The following SUCO variants were observed in gnomAD, a reference collection of about 807,000 sequenced individuals.
SUCO encodes SUN domain-containing ossification factor.
A neutral mutation model predicts 148.1 loss-of-function variants in SUCO; 57 were observed. The observed-to-expected ratio is 0.38, with a 90% confidence interval of 0.31 to 0.48. The LOEUF is 0.48. Ranked by LOEUF, SUCO falls within the 20% of genes least tolerant of loss-of-function variation. The pLI is 0.96. For synonymous variants in SUCO, 470 were observed against 502.7 expected, an observed-to-expected ratio of 0.93 and a Z score of 0.87; for missense variants, 1,331 against 1,468.2, an observed-to-expected ratio of 0.91 and a Z score of 1.53.
chr1:172,556,408 C>T (rs1315910554), intron 4 of SUCO, among the ~76,000 whole-genome samples: 1 of 152,108 alleles, frequency 6.6e-6, no homozygotes, highest in Non-Finnish European at 1.5e-5. Flanking sequence ...ATTTTTATGT[C>T]TTCGTGTGAA....
At chr1:172,554,492 G>C (rs1042841260) in intron 3 of SUCO, among the ~76,000 whole-genome samples, 1 of 152,076 alleles carries the variant, frequency 6.6e-6, no homozygotes, top group Non-Finnish European at 1.5e-5. Flanking sequence ...TTAAAAAATA[G>C]CATGTAGGCC....
chr1:172,556,962 G>A (rs1653799536), intron 4 of SUCO: 1 of 981,940 alleles, frequency 1.0e-6, no homozygotes. Context: ...ACTTTTGAAG[G>A]ATGCCATAAG....
At chr1:172,584,461 AG>A (rs1656095428) in intron 15 of SUCO, 1 of 536,442 alleles carries the variant, frequency 1.9e-6, no homozygotes, top group African/African-American at 2.1e-5. Flanking sequence ...TAAAGTGTCT[AG>A]GGAAGTTTTA....
At position 172,551,617 on chromosome 1, in the gene SUCO, C is replaced by G. The variant is rs969129718; in HGVS notation, c.168C>G (p.Phe56Leu). ...CACTAGAAAATGAAGATGTACAATT[C>G]CAGAAAAAGGTGCCTTAAATAAAGT... ...NCALENEDVQ[F>L]QKKDEREGPI... The change falls in exon 2 of 24, where the codon TTC (phenylalanine) becomes TTG (leucine). Residue 56 changes from phenylalanine (F) to leucine (L), a missense_variant. By Grantham distance (22) the Phe-to-Leu change is conservative. Coordinates refer to ENST00000263688, the MANE Select transcript of SUCO (RefSeq NM_014283.5). The G allele has an allele frequency of 1.3e-6, 2 of 1,596,838 alleles. No individual in the cohort carries two copies. Among genetic ancestry groups the G allele is most frequent in the Non-Finnish European group, 1.7e-6 (2 of 1,168,826 alleles).
Position 172,597,095 on chromosome 1 carries a change from G to C in SUCO, c.2914-2969G>C, listed in dbSNP as rs1657163029. On this transcript the variant is annotated intron_variant, in intron 19 of 23. Transcript: ENST00000263688. ...CATGGGACCCTCCGAGCCATGCACG[G>C]GATATAATCTCCTGGTGTGCCATTT... Among the ~76,000 whole-genome samples, 3 of 152,260 alleles carry C rather than the reference G, an allele frequency of 2.0e-5. No individual in the cohort carries two copies. In the South Asian group the frequency reaches 6.2e-4, roughly 32 times the overall value.
At chr1:172,577,469 A>T in intron 11 of SUCO, 70 bp from the exon 12 acceptor site, 1 of 1,420,502 alleles carries the variant, frequency 7.0e-7, no homozygotes, top group Non-Finnish European at 9.8e-7. Context: ...ACAAATATTT[A>T]AAGATGCTTA....
rs751669998 is a variant in SUCO at position 172,533,334 on chromosome 1, C to G, written c.-102C>G. 1 of 1,551,568 alleles carries G rather than the reference C, an allele frequency of 6.4e-7. No individual in the cohort carries two copies. Among genetic ancestry groups the G allele is most frequent in the Non-Finnish European group, 8.7e-7 (1 of 1,147,000 alleles). On this transcript the variant is annotated 5_prime_UTR_variant, in exon 1 of 24. Coordinates refer to ENST00000263688, the MANE Select transcript of SUCO (RefSeq NM_014283.5). ...CGCCATAGCCCTTAGGACTATCGGT[C>G]ACATTCTCGCGCTCCTGCTCCGGCT...
At chr1:172,556,173 A>G (rs1653747365) in intron 4 of SUCO, 150 bp downstream of exon 4, 2 of 601,182 alleles carry the variant, frequency 3.3e-6, no homozygotes, top group Admixed American at 3.0e-5. Flanking sequence ...TTGTGTGCGT[A>G]TGTGTGCATG....
At chr1:172,551,322 A>G (rs973584396) in intron 1 of SUCO, among the ~76,000 whole-genome samples, 190 bp from the exon 2 acceptor site, 1 of 152,132 alleles carries the variant, frequency 6.6e-6, no homozygotes. Flanking sequence ...AATGCTGATA[A>G]TAATGTTTAT....
At chr1:172,560,303 A>T (rs184036620) in intron 6 of SUCO, among the ~76,000 whole-genome samples, 1 of 152,224 alleles carries the variant, frequency 6.6e-6, no homozygotes, top group Non-Finnish European at 1.5e-5. Flanking sequence ...TGTAGTTGCA[A>T]TGAGTGCCCT....
chr1:172,532,905 A>G (rs1447689204), upstream of SUCO: 14 of 1,419,556 alleles, frequency 9.9e-6, no homozygotes, highest in Non-Finnish European at 1.2e-5. Context: ...CGGCGAGAGC[A>G]TCTGCTCCTG....
At chr1:172,599,107 T>C (rs1657319942) in intron 19 of SUCO, among the ~76,000 whole-genome samples, 1 of 152,158 alleles carries the variant, frequency 6.6e-6, no homozygotes, top group African/African-American at 2.4e-5. Flanking sequence ...CTCCCTAACT[T>C]TATTAAAAGT....
chr1:172,559,068 A>G (rs1279934911), intron 6 of SUCO, among the ~76,000 whole-genome samples: 2 of 152,234 alleles, frequency 1.3e-5, no homozygotes, highest in African/African-American at 2.4e-5. Flanking sequence ...CTACTTCAGA[A>G]TAACTCTGTC....
At chr1:172,574,938 A>T in intron 10 of SUCO, 1 of 973,530 alleles carries the variant, frequency 1.0e-6, no homozygotes, top group Non-Finnish European at 1.2e-6. Flanking sequence ...ATTTTCTTAT[A>T]TGTCAAATGA....
intron 1 of SUCO, among the ~76,000 whole-genome samples, chr1:172,547,657 C>T (rs2149223848): frequency 6.6e-6 from 1 of 152,154 alleles, no homozygotes; most frequent in Admixed American, 6.5e-5. Flanking sequence ...AGAACTGTTC[C>T]AAGTTAAATG....
At chr1:172,566,040 G>A (rs180967374) in intron 6 of SUCO, among the ~76,000 whole-genome samples, 79 of 152,276 alleles carry the variant, frequency 5.2e-4, no homozygotes, top group Admixed American at 1.2e-3. Context: ...GCAGTGGGAG[G>A]GGCTTGCACA....
At chr1:172,558,121 T>C (rs566776178) in intron 6 of SUCO, among the ~76,000 whole-genome samples, 1 of 152,370 alleles carries the variant, frequency 6.6e-6, no homozygotes, top group Admixed American at 6.5e-5. Context: ...GAAGAAGGTA[T>C]GACTAATTAC....
intron 1 of SUCO, among the ~76,000 whole-genome samples, chr1:172,535,409 T>G (rs1453055922): frequency 6.6e-6 from 1 of 152,204 alleles, no homozygotes; most frequent in Non-Finnish European, 1.5e-5. Flanking sequence ...CTTAAAGGGT[T>G]TTTTAAAGGG....
intron 9 of SUCO, among the ~76,000 whole-genome samples, chr1:172,572,668 T>A (rs1281473730): frequency 8.0e-5 from 8 of 100,554 alleles, no homozygotes; most frequent in Non-Finnish European, 1.5e-4. Context: ...CAAATCCCCC[T>A]CTGTGAGAAA....
Sources: gnomAD v4.1 joint callset for allele counts (sites outside exome capture counted in the v4.1 genomes callset) on GRCh38, gnomAD v4.1.1 for gene constraint, MANE v1.5 for transcripts, NCBI Gene and HGNC (gene_info 2026-07-23, HGNC 2026-07-21) for gene names.